Variants in ULK4 observed in about 807,000 individuals in gnomAD.
ULK4 encodes unc-51 like kinase 4.
In ULK4, 133 loss-of-function variants were observed where a neutral mutation model predicts 160.6. That is an observed-to-expected ratio of 0.83 (90% CI 0.72 to 0.96). The LOEUF (loss-of-function observed/expected upper bound fraction) is 0.96. Ranked by LOEUF, ULK4 falls within the 40% of genes least tolerant of loss-of-function variation. The pLI is 0.00. For missense variants in ULK4, 1,580 were observed against 1,499.5 expected, an observed-to-expected ratio of 1.05 and a Z score of -0.89; for synonymous variants, 534 against 539.8, an observed-to-expected ratio of 0.99 and a Z score of 0.15.
intron 17 of ULK4, among the ~76,000 whole-genome samples, chr3:41,856,428 G>C (rs994233748): frequency 3.4e-5 from 5 of 148,450 alleles, no homozygotes; most frequent in African/African-American, 1.2e-4. Flanking sequence ...AATATACAGT[G>C]TACAAAACAA....
At chr3:41,644,434 G>C (rs1444088871) in intron 30 of ULK4, among the ~76,000 whole-genome samples, 1 of 152,098 alleles carries the variant, frequency 6.6e-6, no homozygotes, top group Non-Finnish European at 1.5e-5. Flanking sequence ...GGCCTTTTCT[G>C]CATCTATTGA....
At chr3:41,369,308 C>A (rs1417625481) in intron 35 of ULK4, among the ~76,000 whole-genome samples, 3 of 152,036 alleles carry the variant, frequency 2.0e-5, no homozygotes, top group Non-Finnish European at 4.4e-5. Flanking sequence ...CTGGACTCAG[C>A]ATGGCAAAAC....
chr3:41,290,619 T>C (rs1393322940), intron 35 of ULK4, among the ~76,000 whole-genome samples: 1 of 152,176 alleles, frequency 6.6e-6, no homozygotes, highest in Non-Finnish European at 1.5e-5. Flanking sequence ...CCCCAGTAAC[T>C]GGACTGAACT....
At chr3:41,628,332 T>C (rs983684077) in intron 30 of ULK4, among the ~76,000 whole-genome samples, 6 of 152,096 alleles carry the variant, frequency 3.9e-5, no homozygotes, top group Non-Finnish European at 8.8e-5. Flanking sequence ...CCATAAGATA[T>C]TTATAATATC....
intron 27 of ULK4, among the ~76,000 whole-genome samples, chr3:41,696,437 C>T (rs1031234744): frequency 6.6e-5 from 10 of 152,330 alleles, no homozygotes; most frequent in Middle Eastern, 3.4e-3. Context: ...ACGTGACCCA[C>T]GTGACCTTAC....
At chr3:41,385,962 A>AT (rs1329223340) in intron 35 of ULK4, among the ~76,000 whole-genome samples, 1 of 152,186 alleles carries the variant, frequency 6.6e-6, no homozygotes, top group African/African-American at 2.4e-5. Flanking sequence ...TTAACTGACA[A>AT]TATTTTCCAA....
chr3:41,506,767 A>AAAAAAAAAAATATATATATATATAT, intron 32 of ULK4, among the ~76,000 whole-genome samples: 1 of 56,766 alleles, frequency 1.8e-5, no homozygotes. Context: ...TGTGATTTAA[A>AAAAAAAAAAATATATATATATATAT]ATATATATAT....
At chr3:41,676,908 C>CTTTTTTTTTT (rs11304353) in intron 29 of ULK4, among the ~76,000 whole-genome samples, 8 of 91,268 alleles carry the variant, frequency 8.8e-5, no homozygotes, top group African/African-American at 3.5e-4. Context: ...CACCCCCAAC[C>CTTTTTTTTTT]TTTTTTTTTT....
At position 41,492,090 on chromosome 3, in the gene ULK4, C is replaced by T. The variant is rs561587096; in HGVS notation, c.3227-28837G>A. On this transcript the variant is annotated intron_variant, in intron 32 of 36. Transcript: ENST00000301831. The stretch of plus-strand genomic sequence containing the variant: ...CATTTTTTATGGCTGCATAGTATTC[C>T]ATGGTGTATATGTGACACATTTTCT... 2.3e-4 allele frequency among the ~76,000 whole-genome samples: 35 copies of T among 151,270 alleles called. 1 individual carries two copies. The Admixed American group carries it at 2.3e-3, about 10-fold the overall frequency.
At chr3:41,849,630 A>G (rs989739998) in intron 17 of ULK4, among the ~76,000 whole-genome samples, 1 of 152,208 alleles carries the variant, frequency 6.6e-6, no homozygotes, top group Non-Finnish European at 1.5e-5. Flanking sequence ...GCAAAGCATA[A>G]TGTAAACTAC....
intron 32 of ULK4, among the ~76,000 whole-genome samples, chr3:41,505,203 C>A (rs2085336161): frequency 6.6e-6 from 1 of 152,152 alleles, no homozygotes; most frequent in Non-Finnish European, 1.5e-5. Context: ...TGAATTTTCA[C>A]AAACTGGACA....
intron 34 of ULK4, among the ~76,000 whole-genome samples, chr3:41,418,310 A>G (rs1013961963): frequency 1.5e-5 from 2 of 133,464 alleles, no homozygotes; most frequent in Non-Finnish European, 3.1e-5. Context: ...CGTATCTTAA[A>G]CATTCATGAC....
At chr3:41,678,107 C>A (rs2035790573) in intron 29 of ULK4, among the ~76,000 whole-genome samples, 1 of 151,710 alleles carries the variant, frequency 6.6e-6, no homozygotes, top group Non-Finnish European at 1.5e-5. Flanking sequence ...AGCTTGTCAA[C>A]TGCAGATCTT....
intron 16 of ULK4, among the ~76,000 whole-genome samples, chr3:41,884,824 C>G (rs960218672): frequency 6.6e-6 from 1 of 152,116 alleles, no homozygotes; most frequent in Non-Finnish European, 1.5e-5. Flanking sequence ...CTTAAATTTC[C>G]CATTAAAATC....
chr3:41,394,538 G>A (rs1418112676), intron 35 of ULK4, among the ~76,000 whole-genome samples: 1 of 152,120 alleles, frequency 6.6e-6, no homozygotes, highest in African/African-American at 2.4e-5. Flanking sequence ...AGCCTACTTT[G>A]TAATATTTAA....
At chr3:41,882,722 T>C (rs1033754596) in intron 17 of ULK4, among the ~76,000 whole-genome samples, 3 of 152,222 alleles carry the variant, frequency 2.0e-5, no homozygotes, top group African/African-American at 7.2e-5. Flanking sequence ...GCTCTGACGA[T>C]GCAGGAACAT....
chr3:41,891,743 A>T (rs1697975211), intron 16 of ULK4, among the ~76,000 whole-genome samples: 1 of 152,110 alleles, frequency 6.6e-6, no homozygotes, highest in Admixed American at 6.5e-5. Context: ...TCATCTCTAC[A>T]AAAATACAAA....
rs552501710 is a variant in ULK4, at chr3:41,287,117, G to A, written c.3679-37543C>T. 2.6e-5 allele frequency among the ~76,000 whole-genome samples: 4 copies of A among 152,310 alleles called. No homozygotes were observed. In the South Asian group the frequency reaches 8.3e-4, roughly 32 times the overall value. The stretch of plus-strand genomic sequence containing the variant: ...AAAGAGCCTGGCAATAGCCCTAGGA[G>A]CTTATGGCAGAAACTGGTGAAAATC... On this transcript the variant is annotated intron_variant, in intron 35 of 36. Coordinates refer to ENST00000301831, the MANE Select transcript of ULK4 (RefSeq NM_017886.4).
At chr3:41,861,565 T>C (rs2042497031) in intron 17 of ULK4, among the ~76,000 whole-genome samples, 1 of 152,166 alleles carries the variant, frequency 6.6e-6, no homozygotes, top group African/African-American at 2.4e-5. Flanking sequence ...TTGCTGCTTG[T>C]AGGATCCTTT....
Sources: allele counts gnomAD v4.1 joint callset (sites outside exome capture counted in the v4.1 genomes callset), GRCh38; gene constraint gnomAD v4.1.1; transcripts MANE v1.5; gene names NCBI Gene and HGNC (gene_info 2026-07-23, HGNC 2026-07-21).